OPCML: variants seen among roughly 807,000 people sequenced by gnomAD.
OPCML encodes the protein opioid-binding protein/cell adhesion molecule.
OPCML carries 13 observed loss-of-function variants against 37.8 expected under a neutral mutation model. The ratio of observed to expected loss-of-function variants is 0.34; its 90% CI spans 0.22 to 0.55. The LOEUF (loss-of-function observed/expected upper bound fraction) is 0.55. Among genes scored for constraint, OPCML ranks in the 20% least tolerant of loss-of-function variants. The pLI is 0.91. For missense variants in OPCML, 341 were observed against 435.6 expected, an observed-to-expected ratio of 0.78 and a Z score of 1.93; for synonymous variants, 176 against 168.8, an observed-to-expected ratio of 1.04 and a Z score of -0.33.
At chr11:133,003,594 T>C in intron 1 of OPCML, 1 of 944,054 alleles carries the variant, frequency 1.1e-6, no homozygotes, top group Non-Finnish European at 1.3e-6. Context: ...AATTAGAAGT[T>C]GGATATTGGC....
At chr11:133,125,735 G>GTA (rs1416199052) in intron 1 of OPCML, among the ~76,000 whole-genome samples, 1 of 48,004 alleles carries the variant, frequency 2.1e-5, no homozygotes, top group Admixed American at 2.4e-4. Flanking sequence ...AGTATATATA[G>GTA]TATATATATA....
In OPCML at chr11:133,458,289, CGT is replaced by C. The variant is rs1275922918; in HGVS notation, c.61+73973_61+73974del. ...GTGTATATATACACACATATATACA[CGT>C]GTGTGTATATATATACACATATATA... On this transcript the variant is annotated intron_variant, in intron 1 of 7. Coordinates refer to ENST00000524381, the MANE Select transcript of OPCML (RefSeq NM_001012393.5). 6.7e-5 allele frequency among the ~76,000 whole-genome samples: 4 copies of C among 59,346 alleles called. 1 individual carries two copies. Among genetic ancestry groups the C allele is most frequent in the East Asian group, 1.1e-3 (2 of 1,880 alleles). 38.9% of individuals were successfully genotyped at this position (59,346 alleles called of 152,430 possible). A position where few individuals can be genotyped will look rare whatever the true frequency, so the allele number is the denominator to read the frequency against.
chr11:133,050,259 C>A (rs1412529252), intron 1 of OPCML, among the ~76,000 whole-genome samples: 1 of 152,202 alleles, frequency 6.6e-6, no homozygotes, highest in Non-Finnish European at 1.5e-5. Flanking sequence ...CCATCATCTG[C>A]AATGGGGTAA....
intron 1 of OPCML, among the ~76,000 whole-genome samples, chr11:133,500,673 G>C (rs1258648938): frequency 6.6e-6 from 1 of 152,154 alleles, no homozygotes; most frequent in African/African-American, 2.4e-5. Context: ...TACCCGGCTC[G>C]AGTCCTCCTC....
At chr11:132,632,351 G>T (rs1034468834) in intron 3 of OPCML, among the ~76,000 whole-genome samples, 9 of 150,492 alleles carry the variant, frequency 6.0e-5, no homozygotes, top group Non-Finnish European at 8.8e-5. Context: ...GATTTAAAAG[G>T]TTCCTTTGCA....
chr11:132,494,263 C>A (rs1054958399), intron 4 of OPCML, among the ~76,000 whole-genome samples: 5 of 152,326 alleles, frequency 3.3e-5, no homozygotes, highest in African/African-American at 1.2e-4. Flanking sequence ...TATGCCTCAT[C>A]TGCTGCTACT....
intron 1 of OPCML, among the ~76,000 whole-genome samples, chr11:133,338,271 C>T (rs745744440): frequency 3.9e-5 from 6 of 152,158 alleles, no homozygotes; most frequent in East Asian, 3.9e-4. Flanking sequence ...GGCACTTACC[C>T]GCCACTGGCT....
intron 1 of OPCML, among the ~76,000 whole-genome samples, chr11:133,497,141 A>T (rs1175221161): frequency 6.6e-6 from 1 of 151,976 alleles, no homozygotes; most frequent in Non-Finnish European, 1.5e-5. Flanking sequence ...ATGCTTTTTC[A>T]CCAATTATTC....
At chr11:132,822,382 G>A (rs927509391) in intron 2 of OPCML, among the ~76,000 whole-genome samples, 2 of 152,108 alleles carry the variant, frequency 1.3e-5, no homozygotes. Flanking sequence ...AGAAATAGAT[G>A]CAAAACTCTG....
chr11:133,209,728 T>A (rs900262284), intron 1 of OPCML, among the ~76,000 whole-genome samples: 8 of 152,154 alleles, frequency 5.3e-5, no homozygotes, highest in African/African-American at 1.9e-4. Flanking sequence ...GGTGGATGAA[T>A]GAATGAATAA....
chr11:133,080,707 T>G (rs1286903050), intron 1 of OPCML, among the ~76,000 whole-genome samples: 2 of 152,124 alleles, frequency 1.3e-5, no homozygotes, highest in Non-Finnish European at 2.9e-5. Context: ...TTTAGCACCT[T>G]GAAGCTGGAG....
intron 2 of OPCML, among the ~76,000 whole-genome samples, chr11:132,842,492 T>G (rs1941339444): frequency 1.3e-5 from 2 of 152,226 alleles, no homozygotes; most frequent in African/African-American, 4.8e-5. Flanking sequence ...GCCTCTGTGC[T>G]GCTGTTAACC....
At chr11:133,314,511 C>A (rs1943155513) in intron 1 of OPCML, among the ~76,000 whole-genome samples, 2 of 151,542 alleles carry the variant, frequency 1.3e-5, no homozygotes, top group South Asian at 2.1e-4. Context: ...ATCTCTACAG[C>A]CAAAACCTTC....
chr11:132,996,618 CA>C (rs11285711), intron 1 of OPCML, among the ~76,000 whole-genome samples: 73,029 of 123,108 alleles, frequency 0.59, 20,581 homozygotes, highest in African/African-American at 0.67. Context: ...GGCTCCATCT[CA>C]AAAAAAAAAA....
At chr11:132,693,912 G>A (rs377318255) in intron 2 of OPCML, among the ~76,000 whole-genome samples, 3 of 152,090 alleles carry the variant, frequency 2.0e-5, no homozygotes, top group Admixed American at 6.5e-5. Flanking sequence ...GAAAATAGGA[G>A]TTATGTGACC....
chr11:133,121,844 CT>C (rs1949427170), intron 1 of OPCML, among the ~76,000 whole-genome samples: 1 of 152,146 alleles, frequency 6.6e-6, no homozygotes, highest in Non-Finnish European at 1.5e-5. Flanking sequence ...AAAACGTCTT[CT>C]ATTTGACAAG....
At chr11:132,505,483 A>G (rs1591476262) in intron 4 of OPCML, among the ~76,000 whole-genome samples, 1 of 150,542 alleles carries the variant, frequency 6.6e-6, no homozygotes, top group Middle Eastern at 3.4e-3. Flanking sequence ...AGAAGCAGAA[A>G]AGTACAGCCT....
At chr11:132,781,210 C>T (rs1230138505) in intron 2 of OPCML, among the ~76,000 whole-genome samples, 3 of 152,050 alleles carry the variant, frequency 2.0e-5, no homozygotes, top group South Asian at 2.1e-4. Context: ...AGGTCATTTC[C>T]GGATAAGACA....
intron 3 of OPCML, among the ~76,000 whole-genome samples, chr11:132,633,956 T>C (rs1940318442): frequency 6.6e-6 from 1 of 152,192 alleles, no homozygotes; most frequent in South Asian, 2.1e-4. Context: ...GCCCAGGTTC[T>C]TCCTGTCTTT....
Sources: gnomAD v4.1 joint callset for allele counts (sites outside exome capture counted in the v4.1 genomes callset) on GRCh38, gnomAD v4.1.1 for gene constraint, MANE v1.5 for transcripts, NCBI Gene and HGNC (gene_info 2026-07-23, HGNC 2026-07-21) for gene names.